Variants in DSCAML1 observed in about 807,000 individuals in gnomAD.
DSCAML1 encodes DS cell adhesion molecule like 1.
Under a neutral mutation model 200.5 loss-of-function variants are expected in DSCAML1, and 38 were observed. The ratio of observed to expected loss-of-function variants is 0.19; its 90% CI spans 0.15 to 0.25. DSCAML1 has a LOEUF of 0.25. Among genes scored for constraint, DSCAML1 ranks in the 10% least tolerant of loss-of-function variants. The pLI is 1.00. For synonymous variants in DSCAML1, 1,215 were observed against 1,165.0 expected (o/e 1.04, Z -0.87); for missense variants, 2,223 against 2,858.8 (o/e 0.78, Z 5.07).
At chr11:117,744,691 C>G (rs1315993186) in intron 3 of DSCAML1, among the ~76,000 whole-genome samples, 3 of 152,248 alleles carry the variant, frequency 2.0e-5, no homozygotes, top group Non-Finnish European at 2.9e-5. Context: ...TGCCTTTGGC[C>G]TGGGTCTGTG....
chr11:117,773,529 G>GCACACACACACACACACA (rs59492776), intron 3 of DSCAML1, among the ~76,000 whole-genome samples: 1 of 144,484 alleles, frequency 6.9e-6, no homozygotes, highest in Non-Finnish European at 1.5e-5. Context: ...ACCTCAAAAT[G>GCACACACACACACACACA]CACACACACA....
chr11:117,805,081 C>G (rs1235896733), intron 1 of DSCAML1, among the ~76,000 whole-genome samples: 1 of 152,220 alleles, frequency 6.6e-6, no homozygotes, highest in African/African-American at 2.4e-5. Flanking sequence ...GCTGACATGC[C>G]AATCACTCTG....
chr11:117,439,190 C>A (rs899411730), intron 23 of DSCAML1, 76 bp downstream of exon 23: 10 of 1,563,812 alleles, frequency 6.4e-6, no homozygotes, highest in African/African-American at 1.4e-5. Context: ...ATTCGATGAC[C>A]CTCTCGCATG....
At chr11:117,795,998 C>T (rs1298573704) in intron 1 of DSCAML1, among the ~76,000 whole-genome samples, 1 of 152,218 alleles carries the variant, frequency 6.6e-6, no homozygotes, top group African/African-American at 2.4e-5. Flanking sequence ...TGCTCCACCA[C>T]GCAAGGGCGC....
At chr11:117,650,341 C>T (rs925043647) in intron 3 of DSCAML1, among the ~76,000 whole-genome samples, 2 of 152,108 alleles carry the variant, frequency 1.3e-5, no homozygotes, top group African/African-American at 2.4e-5. Flanking sequence ...GGATAGGGCC[C>T]GGGTTTCTTC....
chr11:117,811,788 G>A (rs562476197), intron 1 of DSCAML1, among the ~76,000 whole-genome samples: 2 of 152,280 alleles, frequency 1.3e-5, no homozygotes, highest in African/African-American at 2.4e-5. Context: ...AGACCATCGC[G>A]GATGCCGAGC....
At position 117,432,428 on chromosome 11, in the gene DSCAML1, G is replaced by T; in HGVS notation, c.5103C>A (p.Gly1701=). Residue 1701 remains glycine, a synonymous_variant, in exon 30 of 33, where the codon GGC becomes GGA. Coordinates refer to ENST00000651296, the MANE Select transcript of DSCAML1 (RefSeq NM_020693.4). ...QAVNPQSFCT[G]VSLHHPTLIQ... is the part of the protein sequence containing the mutation. The stretch of plus-strand genomic sequence containing the variant: ...TGAGGGTTGGGTGGTGCAAGGAGAC[G>T]CCAGTACAGAAGCTCTGTGGGTTGA... The T allele has an allele frequency of 6.2e-7, 1 of 1,614,170 alleles. No individual in the cohort carries two copies. Among genetic ancestry groups the T allele is most frequent in the South Asian group, 1.1e-5 (1 of 91,074 alleles).
At chr11:117,475,140 G>A (rs1359939121) in intron 14 of DSCAML1, among the ~76,000 whole-genome samples, 1 of 152,014 alleles carries the variant, frequency 6.6e-6, no homozygotes, top group Non-Finnish European at 1.5e-5. Context: ...TTAGACCAGG[G>A]AAATGGCCTC....
At chr11:117,686,656 G>A (rs1276607204) in intron 3 of DSCAML1, among the ~76,000 whole-genome samples, 3 of 152,186 alleles carry the variant, frequency 2.0e-5, no homozygotes, top group Admixed American at 6.5e-5. Context: ...AGTCCTTTCC[G>A]GTGGGCACCT....
At chr11:117,782,405 C>T (rs974064572) in intron 1 of DSCAML1, among the ~76,000 whole-genome samples, 1 of 152,228 alleles carries the variant, frequency 6.6e-6, no homozygotes, top group Non-Finnish European at 1.5e-5. Context: ...TTGCTGTCCC[C>T]ACCAGGCACT....
At chr11:117,561,182 G>A (rs554863356) in intron 3 of DSCAML1, among the ~76,000 whole-genome samples, 36 of 152,356 alleles carry the variant, frequency 2.4e-4, no homozygotes, top group Non-Finnish European at 4.7e-4. Flanking sequence ...CAGCAGGGCA[G>A]TGGGAGGAGG....
chr11:117,570,585 T>C (rs1317774716), intron 3 of DSCAML1, among the ~76,000 whole-genome samples: 1 of 152,238 alleles, frequency 6.6e-6, no homozygotes, highest in East Asian at 1.9e-4. Context: ...GAATACATTT[T>C]TGGTGACTGA....
At chr11:117,648,093 G>A (rs1024097440) in intron 3 of DSCAML1, among the ~76,000 whole-genome samples, 5 of 152,186 alleles carry the variant, frequency 3.3e-5, no homozygotes, top group African/African-American at 4.8e-5. Context: ...GACCAGCACC[G>A]CCCTCTCCCA....
chr11:117,790,053 G>A (rs1024695809), intron 1 of DSCAML1, among the ~76,000 whole-genome samples: 12 of 152,156 alleles, frequency 7.9e-5, no homozygotes, highest in Non-Finnish European at 4.4e-5. Flanking sequence ...CACCCCCAAC[G>A]CAGGGGTCCT....
intron 12 of DSCAML1, 38 bp from the exon 13 acceptor site, chr11:117,481,308 CA>C (rs1231389769): frequency 6.2e-7 from 1 of 1,602,746 alleles, no homozygotes; most frequent in East Asian, 2.2e-5. Flanking sequence ...AGGGAGTAAA[CA>C]GGGAGAGTCT....
At chr11:117,726,097 C>G (rs895392046) in intron 3 of DSCAML1, among the ~76,000 whole-genome samples, 1 of 152,212 alleles carries the variant, frequency 6.6e-6, no homozygotes. Flanking sequence ...ACACCACCCA[C>G]GAGAAGCAGG....
rs12289683 is a variant in DSCAML1 at position 117,551,591 on chromosome 11, T to A, written c.512-19069A>T. 6.5e-3 allele frequency among the ~76,000 whole-genome samples: 996 copies of A among 152,256 alleles called. 13 individuals carry two copies. Among genetic ancestry groups the A allele is most frequent in the African/African-American group, 0.023 (962 of 41,550 alleles). On this transcript the variant is annotated intron_variant, in intron 3 of 32. Transcript: ENST00000651296. Reference sequence around the variant, plus strand: ...GGAAGAACTGGATTGGGGGCATGCATTTGTCATCCTTCTGCCACCTGAGTG... The same window carrying A: ...GGAAGAACTGGATTGGGGGCATGCAATTGTCATCCTTCTGCCACCTGAGTG...
intron 21 of DSCAML1, among the ~76,000 whole-genome samples, 160 bp downstream of exon 21, chr11:117,443,726 C>T (rs2048117160): frequency 6.6e-6 from 1 of 152,212 alleles, no homozygotes; most frequent in East Asian, 1.9e-4. Context: ...CAGCAGAGGC[C>T]CAGTCTTGGT....
chr11:117,766,793 G>T (rs1445110297), intron 3 of DSCAML1, among the ~76,000 whole-genome samples: 1 of 152,130 alleles, frequency 6.6e-6, no homozygotes, highest in Non-Finnish European at 1.5e-5. Flanking sequence ...GTGAACACGA[G>T]ACATTTCTGC....
Sources: allele counts gnomAD v4.1 joint callset (sites outside exome capture counted in the v4.1 genomes callset), GRCh38; gene constraint gnomAD v4.1.1; transcripts MANE v1.5; gene names NCBI Gene and HGNC (gene_info 2026-07-23, HGNC 2026-07-21).